SLC12A2: variants seen among roughly 807,000 people sequenced by gnomAD.
SLC12A2 encodes the protein Na-K-2Cl cotransporter 1.
Under a neutral mutation model 136.3 loss-of-function variants are expected in SLC12A2, and 67 were observed. The ratio of observed to expected loss-of-function variants is 0.49; its 90% confidence interval spans 0.40 to 0.60. SLC12A2 has a LOEUF of 0.60. SLC12A2 is among the 20% of genes least tolerant of loss of function. The probability of loss-of-function intolerance (pLI) is 0.00; values close to 1 mark genes in which losing one functional copy is unlikely to be tolerated. For synonymous variants in SLC12A2, 619 were observed against 562.9 expected, an observed-to-expected ratio of 1.10 and a Z score of -1.41; for missense variants, 1,322 against 1,534.7, an observed-to-expected ratio of 0.86 and a Z score of 2.32.
intron 1 of SLC12A2, among the ~76,000 whole-genome samples, chr5:128,091,859 T>G (rs138309024): frequency 6.6e-6 from 1 of 152,340 alleles, no homozygotes; most frequent in East Asian, 1.9e-4. Flanking sequence ...AAAAAAATTC[T>G]GTGCTTTTTC....
chr5:128,151,457 T>C, intron 14 of SLC12A2, 61 bp downstream of exon 14: 3 of 1,411,318 alleles, frequency 2.1e-6, no homozygotes, highest in South Asian at 1.3e-5. Flanking sequence ...AGAAAACATC[T>C]AGAAGTTCTT....
At position 128,104,486 on chromosome 5, in the gene SLC12A2, G is replaced by A. The variant is rs150735796; in HGVS notation, c.757-8328G>A. Among the ~76,000 whole-genome samples the A allele has an allele frequency of 4.4e-4, 67 of 152,022 alleles. No homozygotes were observed. In the East Asian group the frequency reaches 0.011, roughly 26 times the overall value. On this transcript the variant is annotated intron_variant, in intron 1 of 26. Transcript: ENST00000262461. ...TGTCTGTACTAAAAATACAAAATTA[G>A]CCGGACGTGGTGGCAGGCACCTGTA...
chr5:128,164,698 A>T (rs889605818), intron 17 of SLC12A2, among the ~76,000 whole-genome samples: 2 of 152,078 alleles, frequency 1.3e-5, no homozygotes, highest in African/African-American at 4.8e-5. Context: ...AGTTGTAGAG[A>T]TGCTGTTTTT....
At chr5:128,184,145 C>G (rs1283685643) in intron 24 of SLC12A2, among the ~76,000 whole-genome samples, 2 of 151,956 alleles carry the variant, frequency 1.3e-5, no homozygotes, top group Non-Finnish European at 2.9e-5. Context: ...GATGCACAAT[C>G]TGTATTGTCT....
intron 1 of SLC12A2, chr5:128,110,622 T>C (rs1031510009): frequency 1.5e-4 from 166 of 1,071,836 alleles, no homozygotes; most frequent in Middle Eastern, 6.0e-4. Context: ...ACCTGCCATA[T>C]TTACTAGTTA....
chr5:128,092,423 C>G (rs1446393754), intron 1 of SLC12A2, among the ~76,000 whole-genome samples: 1 of 152,114 alleles, frequency 6.6e-6, no homozygotes, highest in Non-Finnish European at 1.5e-5. Flanking sequence ...ACTGAGGACC[C>G]CAGTCCGAAG....
At chr5:128,168,078 A>G (rs912644932) in intron 18 of SLC12A2, 1 of 395,506 alleles carries the variant, frequency 2.5e-6, no homozygotes, top group Non-Finnish European at 4.4e-6. Context: ...ACATGCATAT[A>G]TATATATATA....
intron 17 of SLC12A2, among the ~76,000 whole-genome samples, chr5:128,166,107 TA>T (rs1763196144): frequency 6.6e-6 from 1 of 152,098 alleles, no homozygotes; most frequent in Non-Finnish European, 1.5e-5. Context: ...TTTACAGAGT[TA>T]GGGATATTTC....
rs191526925 is a variant in SLC12A2, at chr5:128,099,898, T to C, written c.757-12916T>C. Among the ~76,000 whole-genome samples the C allele has an allele frequency of 2.8e-3, 426 of 152,304 alleles. 3 individuals are homozygous for C. Among genetic ancestry groups the C allele is most frequent in the African/African-American group, 9.9e-3 (410 of 41,560 alleles). On this transcript the variant is annotated intron_variant, in intron 1 of 26. Transcript: ENST00000262461. ...TTCTTCTGGAATACCTTCTGAAGTA[T>C]CTGCCTGAGGCTGTTTTACAGTTAT... is the stretch of plus-strand genomic sequence containing the variant.
At position 128,135,758 on chromosome 5, in the gene SLC12A2, C is replaced by T; in HGVS notation, c.1358C>T (p.Thr453Ile). The T allele has an allele frequency of 6.2e-7, 1 of 1,612,610 alleles. No homozygotes were observed. The highest frequency in any genetic ancestry group is 8.5e-7 in the Non-Finnish European group (1 of 1,178,946). ...GCTATTGGTGATTTCGTCATAGGAA[C>T]ATTTATCCCACTGGAGAGCAAGAAG... is the stretch of plus-strand genomic sequence containing the variant. The part of the protein sequence containing the change: ...LLAIGDFVIG[T>I]FIPLESKKPK... Residue 453 changes from threonine (T) to isoleucine (I), a missense_variant, in exon 7 of 27, where the codon ACA becomes ATA. This residue lies in a region of SLC12A2 where 110 missense variants were observed against 114.5 expected (regional missense o/e 0.96). Transcript: ENST00000262461.
intron 4 of SLC12A2, among the ~76,000 whole-genome samples, chr5:128,125,117 T>A (rs976069368): frequency 6.6e-6 from 1 of 152,228 alleles, no homozygotes; most frequent in Non-Finnish European, 1.5e-5. Context: ...GATCGGGCTT[T>A]ATTTTTTCCA....
chr5:128,171,414 G>A (rs1411052461), intron 18 of SLC12A2, among the ~76,000 whole-genome samples: 3 of 152,152 alleles, frequency 2.0e-5, no homozygotes, highest in Admixed American at 1.3e-4. Context: ...GCTTTAAACC[G>A]CTGCTGTAGG....
At chr5:128,116,297 T>C (rs1172551489) in intron 4 of SLC12A2, among the ~76,000 whole-genome samples, 1 of 151,996 alleles carries the variant, frequency 6.6e-6, no homozygotes, top group Admixed American at 6.6e-5. Context: ...TTTTGGAAGG[T>C]AGAGATTTTG....
In SLC12A2 at chr5:128,083,937, G is replaced by GC; in HGVS notation, c.-16dup. On this transcript the variant is annotated 5_prime_UTR_variant, in exon 1 of 27. Coordinates refer to ENST00000262461, the MANE Select transcript of SLC12A2 (RefSeq NM_001046.3). The stretch of plus-strand genomic sequence containing the variant: ...GACGTCCGCCGGGCTCTGCAGTTCC[G>GC]CCGGGGGTCGGGCAGCTATGGAGCC... 8.1e-7 allele frequency: 1 copy of GC among 1,227,932 alleles called. No homozygotes were observed. The highest frequency in any genetic ancestry group is 1.0e-6 in the Non-Finnish European group (1 of 984,526). The allele number at this position is 1,227,932 out of a possible 1,614,324, so 76.1% of individuals were successfully genotyped here.
Position 128,176,031 on chromosome 5 carries a change from T to C in SLC12A2, c.2930-1074T>C, listed in dbSNP as rs1809344. 0.014 allele frequency among the ~76,000 whole-genome samples: 2,198 copies of C among 152,040 alleles called. 151 individuals carry two copies. The East Asian group carries it at 0.19, about 13-fold the overall frequency. On this transcript the variant is annotated intron_variant, in intron 20 of 26. Transcript: ENST00000262461. ...TTCTCAGTCAACAGTGTAGATACTATAGAAACGTTTATACATTTTAAAAAG... is the reference window on the plus strand; with the variant it reads ...TTCTCAGTCAACAGTGTAGATACTACAGAAACGTTTATACATTTTAAAAAG...
intron 16 of SLC12A2, 137 bp downstream of exon 16, chr5:128,158,301 G>T: frequency 1.5e-6 from 1 of 664,660 alleles, no homozygotes; most frequent in Non-Finnish European, 2.5e-6. Flanking sequence ...TTGTCACCCA[G>T]GTAATAAGCA....
chr5:128,110,438 G>C (rs1761101273), intron 1 of SLC12A2: 1 of 1,165,316 alleles, frequency 8.6e-7, no homozygotes, highest in East Asian at 2.3e-5. Context: ...AAGGAGACTT[G>C]AGCTGGTTAA....
At chr5:128,119,522 A>C (rs543263862) in intron 4 of SLC12A2, among the ~76,000 whole-genome samples, 1 of 152,200 alleles carries the variant, frequency 6.6e-6, no homozygotes, top group African/African-American at 2.4e-5. Flanking sequence ...CTCAAAGATC[A>C]GATACTTGTA....
chr5:128,178,505 T>A, intron 21 of SLC12A2, 62 bp from the exon 22 acceptor site: 1 of 1,264,430 alleles, frequency 7.9e-7, no homozygotes. Context: ...ATGATAGGAA[T>A]TCAGCAAAAG....
Sources: gnomAD v4.1 joint callset for allele counts (sites outside exome capture counted in the v4.1 genomes callset) on GRCh38, gnomAD v4.1.1 for gene constraint, gnomAD v4.1.1 regional missense constraint, MANE v1.5 for transcripts, NCBI Gene and HGNC (gene_info 2026-07-23, HGNC 2026-07-21) for gene names.